The following OGDH variants were observed in gnomAD, a reference collection of about 807,000 sequenced individuals.
OGDH encodes 2-oxoglutarate dehydrogenase complex component E1.
In OGDH, 38 loss-of-function variants were observed where a neutral mutation model predicts 116.6. That is an observed-to-expected ratio of 0.33 (90% CI 0.25 to 0.43). The LOEUF (loss-of-function observed/expected upper bound fraction) is 0.43, where lower values mean the gene tolerates loss of function less well. Ranked by LOEUF, OGDH falls within the 20% of genes least tolerant of loss-of-function variation. The pLI is 1.00. For missense variants in OGDH, 825 were observed against 1,357.2 expected, an observed-to-expected ratio of 0.61 and a Z score of 6.16; for synonymous variants, 488 against 533.3, an observed-to-expected ratio of 0.92 and a Z score of 1.17.
rs199533460 is a variant in OGDH, at chr7:44,662,464, CTT to C, written c.518-4257_518-4256del. On this transcript the variant is annotated intron_variant, in intron 4 of 22. Transcript: ENST00000222673. The stretch of plus-strand genomic sequence containing the variant: ...CCATTTCTTTCTTTTCTTTTCTTTT[CTT>C]TTTTTTTTTTTTTTGAGACAGAGTC... Among the ~76,000 whole-genome samples the C allele has an allele frequency of 6.3e-3, 818 of 130,784 alleles. 7 individuals carry two copies. The highest frequency in any genetic ancestry group is 0.022 in the African/African-American group (726 of 33,580). The allele number at this position is 130,784 out of a possible 152,430, so 85.8% of individuals were successfully genotyped here.
At chr7:44,686,956 G>T (rs1373572436) in intron 10 of OGDH, among the ~76,000 whole-genome samples, 1 of 151,198 alleles carries the variant, frequency 6.6e-6, no homozygotes, top group Non-Finnish European at 1.5e-5. Flanking sequence ...CAAAGTGCTG[G>T]GATTACAGGC....
intron 1 of OGDH, among the ~76,000 whole-genome samples, chr7:44,618,680 C>T (rs1255966147): frequency 1.3e-5 from 2 of 152,186 alleles, no homozygotes; most frequent in East Asian, 3.8e-4. Flanking sequence ...GCCCCAGAAA[C>T]AGGCCTGTGG....
At position 44,685,101 on chromosome 7, in the gene OGDH, T is replaced by A. The variant is rs187571815; in HGVS notation, c.1335+3253T>A. 5.9e-5 allele frequency among the ~76,000 whole-genome samples: 9 copies of A among 152,316 alleles called. No homozygotes were observed. The South Asian group carries it at 1.2e-3, about 21-fold the overall frequency. ...GCTCCTGGCCTTTTTTCTGTTTTTT[T>A]ACTAGGGTAAAATATACATAAAATT... is the stretch of plus-strand genomic sequence containing the variant. On this transcript the variant is annotated intron_variant, in intron 10 of 22. Coordinates refer to ENST00000222673, the MANE Select transcript of OGDH (RefSeq NM_002541.4).
intron 10 of OGDH, among the ~76,000 whole-genome samples, chr7:44,683,249 G>A (rs1480401217): frequency 6.6e-6 from 1 of 152,106 alleles, no homozygotes; most frequent in Non-Finnish European, 1.5e-5. Context: ...TTGTTTGTTT[G>A]AGACCAGTCT....
chr7:44,653,841 T>TA (rs1042398910), intron 4 of OGDH, among the ~76,000 whole-genome samples: 22 of 151,656 alleles, frequency 1.5e-4, no homozygotes, highest in African/African-American at 4.4e-4. Flanking sequence ...AAATTTGTTT[T>TA]TTTTTATTTT....
intron 20 of OGDH, among the ~76,000 whole-genome samples, chr7:44,702,787 G>A (rs867446635): frequency 1.1e-4 from 16 of 151,912 alleles, no homozygotes; most frequent in African/African-American, 2.4e-4. Context: ...TAGTAGAGAC[G>A]GGGTTTCACC....
intron 10 of OGDH, among the ~76,000 whole-genome samples, chr7:44,687,064 C>G (rs1585367424): frequency 7.3e-6 from 1 of 137,878 alleles, no homozygotes; most frequent in African/African-American, 2.7e-5. Flanking sequence ...TTGGGATATG[C>G]TCATGTTTTT....
chr7:44,693,761 C>T (rs1023085674), intron 10 of OGDH, 64 bp from the exon 11 acceptor site: 8 of 1,468,780 alleles, frequency 5.4e-6, no homozygotes, highest in African/African-American at 4.2e-5. Flanking sequence ...GCCTCAGCCC[C>T]GCCCTCTGGT....
intron 5 of OGDH, among the ~76,000 whole-genome samples, chr7:44,668,948 C>T (rs1407722254): frequency 6.6e-6 from 1 of 152,028 alleles, no homozygotes; most frequent in Admixed American, 6.6e-5. Context: ...GTTGCCTGGA[C>T]CCCCCACAAA....
chr7:44,616,780 T>G (rs1267224737), intron 1 of OGDH, among the ~76,000 whole-genome samples: 1 of 143,292 alleles, frequency 7.0e-6, no homozygotes, highest in Non-Finnish European at 1.5e-5. Context: ...TATATGTGTA[T>G]ATGCATATAT....
At chr7:44,663,040 T>G (rs1030728207) in intron 4 of OGDH, among the ~76,000 whole-genome samples, 3 of 152,218 alleles carry the variant, frequency 2.0e-5, no homozygotes, top group Non-Finnish European at 4.4e-5. Flanking sequence ...ATTTTCTGCT[T>G]CTTTGATTTT....
Position 44,668,550 on chromosome 7 carries a change from C to T in OGDH, c.633+1699C>T, listed in dbSNP as rs2116072629. Among the ~76,000 whole-genome samples, 3 of 152,322 alleles carry T rather than the reference C, an allele frequency of 2.0e-5. No homozygotes were observed. The South Asian group carries it at 6.2e-4, about 32-fold the overall frequency. On this transcript the variant is annotated intron_variant, in intron 5 of 22. Transcript: ENST00000222673. Reference sequence around the variant, plus strand: ...TGGAGCTGCTTCACCGCCTGCCTTCCTCACTTGTTGAGGAGAAAGGGGTAG... The same window carrying T: ...TGGAGCTGCTTCACCGCCTGCCTTCTTCACTTGTTGAGGAGAAAGGGGTAG...
At chr7:44,705,143 C>G (rs1789014049) in intron 20 of OGDH, among the ~76,000 whole-genome samples, 1 of 140,234 alleles carries the variant, frequency 7.1e-6, no homozygotes, top group South Asian at 2.4e-4. Flanking sequence ...AGCTCCACCT[C>G]CCGGGTTCAC....
intron 2 of OGDH, 60 bp from the exon 3 acceptor site, chr7:44,645,267 A>T: frequency 1.3e-6 from 2 of 1,490,520 alleles, no homozygotes; most frequent in Non-Finnish European, 9.2e-7. Context: ...CTCTGTGGCC[A>T]CAGATGCATC....
chr7:44,669,843 T>G (rs1787357430), intron 5 of OGDH, among the ~76,000 whole-genome samples: 1 of 152,192 alleles, frequency 6.6e-6, no homozygotes, highest in Admixed American at 6.5e-5. Flanking sequence ...GACATTTGCA[T>G]AAAGTTCTCA....
chr7:44,664,554 G>C (rs1787096441), intron 4 of OGDH, among the ~76,000 whole-genome samples: 1 of 152,132 alleles, frequency 6.6e-6, no homozygotes, highest in African/African-American at 2.4e-5. Context: ...GGGGTTGCTG[G>C]TTCTTCTGCT....
chr7:44,631,359 T>C (rs1785432086), intron 2 of OGDH, among the ~76,000 whole-genome samples: 1 of 152,214 alleles, frequency 6.6e-6, no homozygotes. Context: ...TAAGTAATGG[T>C]GGGAATTGGG....
intron 2 of OGDH, among the ~76,000 whole-genome samples, chr7:44,644,090 C>T (rs922246901): frequency 4.4e-4 from 67 of 152,152 alleles, no homozygotes; most frequent in African/African-American, 1.4e-3. Flanking sequence ...CTGTAATCCC[C>T]GCTGCTCAGG....
At chr7:44,652,870 T>C (rs1490229685) in intron 4 of OGDH, among the ~76,000 whole-genome samples, 3 of 151,962 alleles carry the variant, frequency 2.0e-5, no homozygotes, top group Non-Finnish European at 4.4e-5. Flanking sequence ...GTAGGAGGGC[T>C]CCTAGGGAGT....
Sources: allele counts gnomAD v4.1 joint callset (sites outside exome capture counted in the v4.1 genomes callset), GRCh38; gene constraint gnomAD v4.1.1; transcripts MANE v1.5; gene names NCBI Gene and HGNC (gene_info 2026-07-23, HGNC 2026-07-21).